The following SPDYA variants were observed in gnomAD, a reference collection of about 807,000 sequenced individuals.
The protein encoded by SPDYA is speedy protein A.
In SPDYA, 11 loss-of-function variants were observed where a neutral mutation model predicts 36.7. The ratio of observed to expected loss-of-function variants is 0.30; its 90% CI spans 0.19 to 0.50. The LOEUF (loss-of-function observed/expected upper bound fraction) is 0.50. Among genes scored for constraint, SPDYA ranks in the 20% least tolerant of loss-of-function variants. SPDYA has a pLI of 0.98. For missense variants in SPDYA, 287 were observed against 370.9 expected, an observed-to-expected ratio of 0.77 and a Z score of 1.86; for synonymous variants, 115 against 118.7, an observed-to-expected ratio of 0.97 and a Z score of 0.20.
At chr2:28,818,991 C>A (rs1410749377) in intron 3 of SPDYA, 57 bp from the exon 4 acceptor site, 10 of 1,345,006 alleles carry the variant, frequency 7.4e-6, no homozygotes, top group Non-Finnish European at 8.4e-6. Flanking sequence ...GAAATTAATT[C>A]TTCAAAAGGA....
chr2:28,832,218 C>G (rs984810564), intron 6 of SPDYA, among the ~76,000 whole-genome samples: 5 of 152,294 alleles, frequency 3.3e-5, no homozygotes, highest in Admixed American at 3.3e-4. Context: ...CACCAAATAT[C>G]TCTATATGGC....
chr2:28,837,301 T>C (rs1490613092), intron 6 of SPDYA, among the ~76,000 whole-genome samples: 4 of 152,116 alleles, frequency 2.6e-5, no homozygotes, highest in Non-Finnish European at 5.9e-5. Flanking sequence ...ATAGGGTACA[T>C]GGGAGAGGGA....
At chr2:28,816,323 T>C in intron 3 of SPDYA, 74 bp downstream of exon 3, 3 of 1,125,604 alleles carry the variant, frequency 2.7e-6, no homozygotes, top group Non-Finnish European at 3.7e-6. Context: ...TAAATGTTTT[T>C]ATTCTGATCA....
At chr2:28,815,244 C>T (rs913756683) in intron 2 of SPDYA, among the ~76,000 whole-genome samples, 9 of 149,458 alleles carry the variant, frequency 6.0e-5, no homozygotes, top group South Asian at 2.2e-4. Context: ...ATCATGCCAA[C>T]GTACTCCAGT....
chr2:28,843,542 C>T (rs1006026540), intron 7 of SPDYA, among the ~76,000 whole-genome samples: 1 of 126,426 alleles, frequency 7.9e-6, no homozygotes, highest in African/African-American at 2.9e-5. Flanking sequence ...AAGAGCAAAA[C>T]TTCGTCTCAA....
chr2:28,814,588 C>G (rs1031206195), intron 1 of SPDYA, 25 bp from the exon 2 acceptor site: 11 of 152,154 alleles, frequency 7.2e-5, no homozygotes, highest in Non-Finnish European at 1.0e-4. Context: ...GTTCTAACCT[C>G]GCTAAATCCA....
chr2:28,840,593 GA>G (rs1168813318), intron 7 of SPDYA, 124 bp downstream of exon 7: 1 of 1,423,352 alleles, frequency 7.0e-7, no homozygotes, highest in Middle Eastern at 2.5e-4. Context: ...AATTAATCTT[GA>G]AACTTTCTCC....
rs1176818216 is a variant in SPDYA at position 28,823,721 on chromosome 2, ATATATATATATATATATATATAT to A, written c.380+1312_380+1334del. Among the ~76,000 whole-genome samples the A allele has an allele frequency of 1.0e-4, 11 of 105,282 alleles. 1 individual carries two copies. The South Asian group carries it at 1.7e-3, about 16-fold the overall frequency. 69.1% of individuals were successfully genotyped at this position (105,282 alleles called of 152,430 possible). The stretch of plus-strand genomic sequence containing the variant: ...TGCATGAATATATATATATATATAT[ATATATATATATATATATATATAT>A]AAAATTTTTTTTTTTTTTTGAGATG... On this transcript the variant is annotated intron_variant, in intron 5 of 7. Transcript: ENST00000334056.
At chr2:28,845,834 C>T (rs185580550) in intron 7 of SPDYA, among the ~76,000 whole-genome samples, 462 of 152,222 alleles carry the variant, frequency 3.0e-3, no homozygotes, top group Admixed American at 5.0e-3. Context: ...CGTGAGCCAC[C>T]GCGCCCGACC....
chr2:28,835,994 A>G (rs1023397542), intron 6 of SPDYA, among the ~76,000 whole-genome samples: 8 of 152,268 alleles, frequency 5.3e-5, no homozygotes, highest in African/African-American at 1.7e-4. Context: ...AGCCTGGCAT[A>G]CTGCCAAACG....
At chr2:28,827,234 C>A (rs187161835) in intron 5 of SPDYA, among the ~76,000 whole-genome samples, 7 of 152,110 alleles carry the variant, frequency 4.6e-5, no homozygotes, top group Admixed American at 1.3e-4. Flanking sequence ...GCCACCGAGC[C>A]GGGCCAATCT....
chr2:28,845,169 T>C (rs1344257548), intron 7 of SPDYA, among the ~76,000 whole-genome samples: 1 of 151,582 alleles, frequency 6.6e-6, no homozygotes, highest in Non-Finnish European at 1.5e-5. Flanking sequence ...CACTGTAGCC[T>C]CAACCTCCTC....
intron 7 of SPDYA, among the ~76,000 whole-genome samples, chr2:28,844,424 T>C (rs1361230341): frequency 1.2e-4 from 18 of 152,214 alleles, no homozygotes; most frequent in Admixed American, 9.8e-4. Flanking sequence ...AGTGGAAAGC[T>C]GTATCATGGT....
intron 6 of SPDYA, among the ~76,000 whole-genome samples, chr2:28,835,716 G>A (rs1470947332): frequency 6.6e-6 from 1 of 152,156 alleles, no homozygotes; most frequent in Non-Finnish European, 1.5e-5. Context: ...TTGCACTGCC[G>A]CTTACTCCAG....
At chr2:28,814,978 T>TA (rs1667949461) in intron 2 of SPDYA, among the ~76,000 whole-genome samples, 1 of 152,116 alleles carries the variant, frequency 6.6e-6, no homozygotes, top group African/African-American at 2.4e-5. Flanking sequence ...GTCATACACT[T>TA]ACAACTTTAA....
chr2:28,849,791 G>C, intron 7 of SPDYA, 59 bp from the exon 8 acceptor site: 2 of 950,636 alleles, frequency 2.1e-6, no homozygotes, highest in South Asian at 3.2e-5. Flanking sequence ...GCCATTATAA[G>C]ATGTATTTAA....
rs1179943169 is a variant in SPDYA at position 28,850,273 on chromosome 2, T to G, written c.*332T>G. 1 of 1,603,702 alleles carries G rather than the reference T, an allele frequency of 6.2e-7. No individual in the cohort carries two copies. The highest frequency in any genetic ancestry group is 1.7e-5 in the Admixed American group (1 of 59,228). ...TTAAGAGAAGAAAAACATAAAGTCA[T>G]TATATTAATTAAAAGAAAAAACACC... On this transcript the variant is annotated 3_prime_UTR_variant, in exon 8 of 8. Transcript: ENST00000334056.
intron 5 of SPDYA, among the ~76,000 whole-genome samples, chr2:28,828,505 A>G (rs1414178420): frequency 6.6e-6 from 1 of 152,178 alleles, no homozygotes; most frequent in South Asian, 2.1e-4. Context: ...AATAGTTATA[A>G]CTGTTCCAGT....
chr2:28,843,387 TA>T (rs1479329170), intron 7 of SPDYA, among the ~76,000 whole-genome samples: 1 of 151,818 alleles, frequency 6.6e-6, no homozygotes, highest in Non-Finnish European at 1.5e-5. Context: ...CTGTCTCTAT[TA>T]AAAATACAAA....
Sources: gnomAD v4.1 joint callset for allele counts (sites outside exome capture counted in the v4.1 genomes callset) on GRCh38, gnomAD v4.1.1 for gene constraint, MANE v1.5 for transcripts, NCBI Gene and HGNC (gene_info 2026-07-23, HGNC 2026-07-21) for gene names.